DLG1: variants seen among roughly 807,000 people sequenced by gnomAD.
The protein encoded by DLG1 is discs large MAGUK scaffold protein 1, also known as disks large homolog 1.
In DLG1, 42 loss-of-function variants were observed where a neutral mutation model predicts 123.4. That is an observed-to-expected ratio of 0.34 (90% CI 0.27 to 0.44). The LOEUF (loss-of-function observed/expected upper bound fraction) is 0.44, where lower values mean the gene tolerates loss of function less well. Among genes scored for constraint, DLG1 ranks in the 20% least tolerant of loss-of-function variants. DLG1 has a pLI of 1.00. For missense variants in DLG1, 942 were observed against 1,082.6 expected, an observed-to-expected ratio of 0.87 and a Z score of 1.82; for synonymous variants, 317 against 356.2, an observed-to-expected ratio of 0.89 and a Z score of 1.24.
chr3:197,205,639 A>G (rs1253202468), intron 4 of DLG1, among the ~76,000 whole-genome samples: 1 of 152,198 alleles, frequency 6.6e-6, no homozygotes, highest in Non-Finnish European at 1.5e-5. Flanking sequence ...TCCTACTATA[A>G]ACCAAACTAA....
intron 4 of DLG1, among the ~76,000 whole-genome samples, chr3:197,280,610 G>C (rs1449626385): frequency 6.6e-6 from 1 of 152,042 alleles, no homozygotes; most frequent in Non-Finnish European, 1.5e-5. Context: ...CACCAATAAT[G>C]TCAAATATTC....
rs1437301654 is a variant in DLG1, at chr3:197,051,566, AC to A, written c.2575+10del. On this transcript the variant is annotated intron_variant, in intron 24 of 24. Transcript: ENST00000667157. ...CTATCTTAAAGAGGACTGTTACAAC[AC>A]GGTTCCAACCTGTGAAATGTTCAGT... 6.2e-7 allele frequency: 1 copy of A among 1,609,704 alleles called. No individual in the cohort carries two copies. The highest frequency in any genetic ancestry group is 1.3e-5 in the African/African-American group (1 of 74,910).
At chr3:197,284,679 AAAT>A (rs1770963509) in intron 3 of DLG1, among the ~76,000 whole-genome samples, 1 of 152,244 alleles carries the variant, frequency 6.6e-6, no homozygotes, top group Non-Finnish European at 1.5e-5. Context: ...TTTTCTTTGA[AAAT>A]AATGATACAC....
intron 22 of DLG1, among the ~76,000 whole-genome samples, chr3:197,063,672 T>TG (rs1470920131): frequency 3.3e-5 from 5 of 152,226 alleles, no homozygotes; most frequent in African/African-American, 1.2e-4. Context: ...AATGCTACAA[T>TG]GAATAAATAC....
chr3:197,204,284 G>A (rs932004436), intron 4 of DLG1, among the ~76,000 whole-genome samples: 1 of 152,212 alleles, frequency 6.6e-6, no homozygotes, highest in African/African-American at 2.4e-5. Flanking sequence ...ATATGAAGCT[G>A]CAGGAATAGA....
At chr3:197,083,354 A>G (rs1329462813) in intron 16 of DLG1, among the ~76,000 whole-genome samples, 1 of 152,246 alleles carries the variant, frequency 6.6e-6, no homozygotes, top group Non-Finnish European at 1.5e-5. Flanking sequence ...AAATGAATTA[A>G]CTAGTTATAA....
At chr3:197,141,772 G>C (rs1447599979) in intron 7 of DLG1, among the ~76,000 whole-genome samples, 1 of 152,062 alleles carries the variant, frequency 6.6e-6, no homozygotes, top group African/African-American at 2.4e-5. Flanking sequence ...ACCCAGGCTA[G>C]AGTGCGATCT....
intron 5 of DLG1, among the ~76,000 whole-genome samples, chr3:197,169,169 C>T (rs1802855591): frequency 6.6e-6 from 1 of 152,186 alleles, no homozygotes; most frequent in Non-Finnish European, 1.5e-5. Context: ...TGCACATCCA[C>T]ATTTATGACC....
intron 4 of DLG1, among the ~76,000 whole-genome samples, chr3:197,282,151 A>G (rs1236817786): frequency 1.3e-5 from 2 of 152,222 alleles, no homozygotes; most frequent in Admixed American, 6.5e-5. Context: ...TATTACTAAG[A>G]TAGTTATGAA....
At chr3:197,143,254 T>G (rs555804607) in intron 6 of DLG1, among the ~76,000 whole-genome samples, 1 of 122,800 alleles carries the variant, frequency 8.1e-6, no homozygotes, top group Non-Finnish European at 1.9e-5. Context: ...GCTGGATCTT[T>G]TTTGTTTTGT....
chr3:197,279,426 A>C (rs947281244), intron 4 of DLG1, among the ~76,000 whole-genome samples: 5 of 152,182 alleles, frequency 3.3e-5, no homozygotes, highest in Non-Finnish European at 5.9e-5. Flanking sequence ...TTAAACATCT[A>C]GGCCTTGATG....
intron 5 of DLG1, among the ~76,000 whole-genome samples, chr3:197,173,738 A>C (rs1280098979): frequency 6.6e-6 from 1 of 152,244 alleles, no homozygotes; most frequent in Non-Finnish European, 1.5e-5. Flanking sequence ...GCAACTATCC[A>C]ACACTGCTAT....
chr3:197,260,750 C>CAAAAAAGAAAAAAAAAA (rs1758990680), intron 4 of DLG1, among the ~76,000 whole-genome samples: 1 of 18,292 alleles, frequency 5.5e-5, no homozygotes, highest in Non-Finnish European at 9.3e-5. Context: ...TGACAACCAC[C>CAAAAAAGAAAAAAAAAA]AAAAAAAAAA....
intron 4 of DLG1, among the ~76,000 whole-genome samples, chr3:197,267,914 C>T (rs903272574): frequency 2.6e-5 from 4 of 151,912 alleles, no homozygotes; most frequent in African/African-American, 9.7e-5. Context: ...GGAACAGAGG[C>T]CCAAGACAGA....
At chr3:197,229,497 T>C (rs1741754946) in intron 4 of DLG1, among the ~76,000 whole-genome samples, 1 of 149,892 alleles carries the variant, frequency 6.7e-6, no homozygotes, top group African/African-American at 2.5e-5. Flanking sequence ...TGAAGTTATA[T>C]ATGTTAACCT....
intron 3 of DLG1, among the ~76,000 whole-genome samples, chr3:197,290,207 AAAG>A (rs1774156767): frequency 6.6e-6 from 1 of 152,228 alleles, no homozygotes; most frequent in African/African-American, 2.4e-5. Context: ...CACGGGAAAA[AAAG>A]AAGGAAGGCT....
intron 15 of DLG1, among the ~76,000 whole-genome samples, chr3:197,089,771 C>T (rs1287426483): frequency 6.6e-6 from 1 of 151,896 alleles, no homozygotes; most frequent in African/African-American, 2.4e-5. Flanking sequence ...GTTCTTCCTT[C>T]TTCGATATAT....
chr3:197,297,287 A>G, intron 1 of DLG1, 52 bp from the exon 2 acceptor site: 1 of 1,598,528 alleles, frequency 6.3e-7, no homozygotes, highest in East Asian at 2.2e-5. Context: ...TTAAACTAGC[A>G]TTTTCCCCTA....
At chr3:197,092,616 G>C (rs957657267) in intron 14 of DLG1, among the ~76,000 whole-genome samples, 2 of 152,104 alleles carry the variant, frequency 1.3e-5, no homozygotes, top group African/African-American at 4.8e-5. Flanking sequence ...TCCTGCCTCA[G>C]CCTTCCGAGT....
Sources: allele counts gnomAD v4.1 joint callset (sites outside exome capture counted in the v4.1 genomes callset), GRCh38; gene constraint gnomAD v4.1.1; transcripts MANE v1.5; gene names NCBI Gene and HGNC (gene_info 2026-07-23, HGNC 2026-07-21).